MAGI3: variants seen among roughly 807,000 people sequenced by gnomAD.
The protein encoded by MAGI3 is membrane-associated guanylate kinase, WW and PDZ domain-containing protein 3.
A neutral mutation model predicts 121.8 loss-of-function variants in MAGI3; 43 were observed. The ratio of observed to expected loss-of-function variants is 0.35; its 90% CI spans 0.28 to 0.46. The LOEUF (loss-of-function observed/expected upper bound fraction) is 0.46, where lower values mean the gene tolerates loss of function less well. Among genes scored for constraint, MAGI3 ranks in the 20% least tolerant of loss-of-function variants. The pLI is 1.00. For synonymous variants in MAGI3, 553 were observed against 639.3 expected (o/e 0.86, Z 2.04); for missense variants, 1,547 against 1,797.3 (o/e 0.86, Z 2.52).
chr1:113,581,003 C>T (rs1647989685), intron 3 of MAGI3: 1 of 155,478 alleles, frequency 6.4e-6, no homozygotes, highest in South Asian at 2.0e-4. Flanking sequence ...AATTCAAAAT[C>T]TGTACTTTAA....
At chr1:113,488,788 G>A (rs1239212346) in intron 1 of MAGI3, among the ~76,000 whole-genome samples, 6 of 151,998 alleles carry the variant, frequency 3.9e-5, no homozygotes, top group African/African-American at 1.5e-4. Context: ...ACTGCTGTGG[G>A]AGTCAAACTA....
At chr1:113,513,130 T>C (rs1657702221) in intron 1 of MAGI3, among the ~76,000 whole-genome samples, 1 of 151,998 alleles carries the variant, frequency 6.6e-6, no homozygotes, top group African/African-American at 2.4e-5. Context: ...TAAAGGAGGA[T>C]ACAAAGAAAT....
intron 1 of MAGI3, among the ~76,000 whole-genome samples, chr1:113,424,178 T>G (rs1043147265): frequency 2.0e-5 from 3 of 151,976 alleles, no homozygotes; most frequent in South Asian, 2.1e-4. Flanking sequence ...CCAAGGAGTG[T>G]GCAGCTCCAG....
chr1:113,410,173 C>CCCTG (rs1651902567), intron 1 of MAGI3, among the ~76,000 whole-genome samples: 1 of 151,958 alleles, frequency 6.6e-6, no homozygotes, highest in Non-Finnish European at 1.5e-5. Context: ...TTACGGAATA[C>CCCTG]CCTGCATTTT....
chr1:113,590,916 G>A (rs967354689), intron 5 of MAGI3, among the ~76,000 whole-genome samples: 7 of 152,052 alleles, frequency 4.6e-5, no homozygotes, highest in Non-Finnish European at 7.4e-5. Context: ...AACAGTTCAC[G>A]AATGGTGAAA....
At chr1:113,520,906 G>A (rs1481311375) in intron 1 of MAGI3, among the ~76,000 whole-genome samples, 1 of 151,642 alleles carries the variant, frequency 6.6e-6, no homozygotes, top group African/African-American at 2.4e-5. Flanking sequence ...CTGGCATAGT[G>A]TCCTGTTTTC....
chr1:113,637,553 C>T (rs374683801), intron 9 of MAGI3, among the ~76,000 whole-genome samples: 6 of 152,136 alleles, frequency 3.9e-5, no homozygotes, highest in South Asian at 2.1e-4. Context: ...TGTTGAATAT[C>T]GGCCCCCACT....
At chr1:113,506,321 G>A (rs1657322240) in intron 1 of MAGI3, among the ~76,000 whole-genome samples, 2 of 152,114 alleles carry the variant, frequency 1.3e-5, no homozygotes, top group South Asian at 4.1e-4. Context: ...CTGTTTAAAA[G>A]CAAAGCAGAT....
chr1:113,565,015 A>C (rs906837539), intron 2 of MAGI3, among the ~76,000 whole-genome samples: 3 of 151,400 alleles, frequency 2.0e-5, no homozygotes, highest in Non-Finnish European at 4.4e-5. Context: ...ATGCCCTGCA[A>C]ATTTTTGTAT....
intron 9 of MAGI3, among the ~76,000 whole-genome samples, chr1:113,626,241 A>T (rs183311135): frequency 1.3e-5 from 2 of 152,214 alleles, no homozygotes; most frequent in African/African-American, 4.8e-5. Flanking sequence ...TTTATCCTTC[A>T]TTCTGTTGAT....
At position 113,391,572 on chromosome 1, in the gene MAGI3, G is replaced by A. The variant is rs774360209; in HGVS notation, c.316+223G>A. ...TTGGCGCGGTTGCTCTGCTAGCTGT[G>A]CTAGCTGTCACAGAATTGCGACTAG... On this transcript the variant is annotated intron_variant, in intron 1 of 20. Coordinates refer to ENST00000307546, the MANE Select transcript of MAGI3 (RefSeq NM_001142782.2). This position sits in a 1 kb window ranked among gnomAD's most constrained non-coding sequence, Gnocchi z 4.4. Among the ~76,000 whole-genome samples the A allele has an allele frequency of 3.9e-5, 6 of 152,160 alleles. No individual in the cohort carries two copies. Among genetic ancestry groups the A allele is most frequent in the Non-Finnish European group, 5.9e-5 (4 of 68,026 alleles).
rs954092203 is a variant in MAGI3, at chr1:113,630,562, G to C, written c.1360+7568G>C. Among the ~76,000 whole-genome samples the C allele has an allele frequency of 2.6e-5, 4 of 152,232 alleles. No homozygotes were observed. The East Asian group carries it at 7.7e-4, about 29-fold the overall frequency. ...AGTTACCACAGCAGGGAATGTGCTG[G>C]GTCACGCCTAAAGCCAGCATGTCTC... On this transcript the variant is annotated intron_variant, in intron 9 of 20. Transcript: ENST00000307546.
intron 9 of MAGI3, among the ~76,000 whole-genome samples, chr1:113,623,422 T>C (rs1457156351): frequency 7.0e-6 from 1 of 143,864 alleles, no homozygotes; most frequent in African/African-American, 2.7e-5. Flanking sequence ...TACACACACA[T>C]ATATATAATA....
intron 9 of MAGI3, 126 bp from the exon 10 acceptor site, chr1:113,641,785 C>A: frequency 2.7e-6 from 2 of 733,658 alleles, no homozygotes; most frequent in Non-Finnish European, 4.2e-6. Context: ...TCTATCTTTT[C>A]AGCAGTTAAT....
At chr1:113,624,327 G>A (rs1651082850) in intron 9 of MAGI3, among the ~76,000 whole-genome samples, 1 of 152,194 alleles carries the variant, frequency 6.6e-6, no homozygotes. Flanking sequence ...CCCAGCAACA[G>A]TGTATGAGGG....
At chr1:113,399,534 T>C (rs1290113773) in intron 1 of MAGI3, among the ~76,000 whole-genome samples, 3 of 152,128 alleles carry the variant, frequency 2.0e-5, no homozygotes, top group African/African-American at 7.2e-5. Context: ...AAAACAGATA[T>C]TGGCTGTAAA....
intron 6 of MAGI3, among the ~76,000 whole-genome samples, chr1:113,603,417 C>G (rs934294182): frequency 3.9e-5 from 6 of 152,054 alleles, no homozygotes; most frequent in Non-Finnish European, 7.4e-5. Flanking sequence ...CCAAATTCTA[C>G]CAGACATTCA....
At chr1:113,460,653 CA>C (rs1388813348) in intron 1 of MAGI3, among the ~76,000 whole-genome samples, 1 of 151,784 alleles carries the variant, frequency 6.6e-6, no homozygotes, top group Non-Finnish European at 1.5e-5. Context: ...ACTAAAAATA[CA>C]AAAAATTAGC....
chr1:113,556,754 C>T (rs933111851), intron 2 of MAGI3, among the ~76,000 whole-genome samples: 7 of 151,658 alleles, frequency 4.6e-5, no homozygotes, highest in African/African-American at 2.4e-5. Flanking sequence ...TTATTAGAGA[C>T]GACATCTTGC....
Sources: allele counts gnomAD v4.1 joint callset (sites outside exome capture counted in the v4.1 genomes callset), GRCh38; gene constraint gnomAD v4.1.1; non-coding constraint Gnocchi (gnomAD v3.1); transcripts MANE v1.5; gene names NCBI Gene and HGNC (gene_info 2026-07-23, HGNC 2026-07-21).